Variants in LRRC37A2 observed in about 807,000 individuals in gnomAD.
LRRC37A2 encodes the protein leucine rich repeat containing 37 member A2, also known as leucine-rich repeat-containing protein 37A2.
A neutral mutation model predicts 68.8 loss-of-function variants in LRRC37A2; 9 were observed. The ratio of observed to expected loss-of-function variants is 0.13; its 90% CI spans 0.08 to 0.23. LRRC37A2 has a LOEUF of 0.23. Ranked by LOEUF, LRRC37A2 falls within the 10% of genes least tolerant of loss-of-function variation. LRRC37A2 has a pLI of 1.00. For missense variants in LRRC37A2, 168 were observed against 950.4 expected (o/e 0.18, Z 10.82); for synonymous variants, 63 against 367.6 (o/e 0.17, Z 9.48).
chr17:46,779,951 G>T, the LRRC37A2 span, among the ~76,000 whole-genome samples: 1 of 152,146 alleles, frequency 6.6e-6, no homozygotes, highest in African/African-American at 2.4e-5. Flanking sequence ...TAGAGACAGG[G>T]TTTCGCAATA....
chr17:46,525,601 A>T (rs150117924), intron 6 of LRRC37A2, among the ~76,000 whole-genome samples: 1,447 of 53,906 alleles, frequency 0.027, 79 homozygotes, highest in African/African-American at 0.078. Flanking sequence ...AATAATAATA[A>T]TATAATAATA....
At chr17:47,016,348 C>G in the LRRC37A2 span, among the ~76,000 whole-genome samples, 1 of 150,222 alleles carries the variant, frequency 6.7e-6, no homozygotes, top group Non-Finnish European at 1.5e-5. Flanking sequence ...TTATGCCAGA[C>G]AGTAATAAAA....
chr17:46,773,588 C>T, the LRRC37A2 span: 1 of 1,445,802 alleles, frequency 6.9e-7, no homozygotes, highest in African/African-American at 1.4e-5. Flanking sequence ...AAGAGGCACC[C>T]TGACTGGGGT....
At chr17:46,991,118 T>C in the LRRC37A2 span, among the ~76,000 whole-genome samples, 4 of 152,332 alleles carry the variant, frequency 2.6e-5, no homozygotes, top group South Asian at 8.3e-4. Flanking sequence ...AACTTTGATT[T>C]GAATGTCACT....
At chr17:46,769,767 G>C in the LRRC37A2 span, 1 of 1,608,368 alleles carries the variant, frequency 6.2e-7, no homozygotes, top group Non-Finnish European at 8.5e-7. Flanking sequence ...GGTTTGGGGA[G>C]GGTAGCCGGG....
the LRRC37A2 span, among the ~76,000 whole-genome samples, chr17:46,777,245 G>A: frequency 6.6e-6 from 1 of 152,244 alleles, no homozygotes; most frequent in Admixed American, 6.5e-5. Context: ...CAGAGGCCGT[G>A]AAAGAGGACC....
At chr17:46,704,955 G>A in the LRRC37A2 span, 2 of 1,126,532 alleles carry the variant, frequency 1.8e-6, no homozygotes, top group African/African-American at 1.7e-5. Context: ...GAAGGTTATA[G>A]CATATGCAGT....
the LRRC37A2 span, among the ~76,000 whole-genome samples, chr17:46,847,255 C>T: frequency 6.6e-6 from 1 of 152,236 alleles, no homozygotes; most frequent in African/African-American, 2.4e-5. Flanking sequence ...CCCCACTTAG[C>T]TTCAGTCCTA....
At chr17:46,822,548 G>T in the LRRC37A2 span, among the ~76,000 whole-genome samples, 1 of 152,232 alleles carries the variant, frequency 6.6e-6, no homozygotes, top group African/African-American at 2.4e-5. Context: ...GTCAGCAGGC[G>T]AGGAAGGGGT....
At chr17:46,424,663 T>C in the LRRC37A2 span, among the ~76,000 whole-genome samples, 1 of 113,992 alleles carries the variant, frequency 8.8e-6, no homozygotes, top group Non-Finnish European at 2.0e-5. Context: ...AGGGTACAAT[T>C]TGATATTTTA....
At chr17:46,799,861 C>T in the LRRC37A2 span, among the ~76,000 whole-genome samples, 1 of 152,282 alleles carries the variant, frequency 6.6e-6, no homozygotes, top group East Asian at 1.9e-4. Flanking sequence ...CCACCCAAAG[C>T]AAAGTTCTAG....
chr17:46,979,965 T>A, the LRRC37A2 span, among the ~76,000 whole-genome samples: 1 of 152,166 alleles, frequency 6.6e-6, no homozygotes, highest in Non-Finnish European at 1.5e-5. Context: ...ATAACAGATA[T>A]GGGGATGCAC....
At chr17:47,028,397 A>G in the LRRC37A2 span, 2 of 1,238,470 alleles carry the variant, frequency 1.6e-6, no homozygotes. Context: ...GTAAACAACT[A>G]TTTATCTACA....
chr17:46,923,667 T>G, the LRRC37A2 span: 1 of 988,554 alleles, frequency 1.0e-6, no homozygotes, highest in Non-Finnish European at 1.3e-6. Context: ...TCTTATTCGA[T>G]TTATACTAAA....
chr17:46,790,044 G>T, the LRRC37A2 span, among the ~76,000 whole-genome samples: 5 of 152,204 alleles, frequency 3.3e-5, no homozygotes, highest in African/African-American at 4.8e-5. Context: ...CCCCACCCAA[G>T]TTCAAAGCGC....
At chr17:46,983,710 C>T in the LRRC37A2 span, among the ~76,000 whole-genome samples, 2 of 152,208 alleles carry the variant, frequency 1.3e-5, no homozygotes, top group Non-Finnish European at 2.9e-5. Context: ...TTTATTGCTA[C>T]ATCACAAATA....
chr17:46,868,536 C>T, the LRRC37A2 span, among the ~76,000 whole-genome samples: 67 of 152,284 alleles, frequency 4.4e-4, no homozygotes, highest in African/African-American at 1.6e-3. Flanking sequence ...GCAGAGGTTG[C>T]AGTGAGCCGA....
the LRRC37A2 span, among the ~76,000 whole-genome samples, chr17:46,905,041 G>A: frequency 6.6e-6 from 1 of 152,080 alleles, no homozygotes; most frequent in Non-Finnish European, 1.5e-5. Flanking sequence ...TGGATAAAGG[G>A]GAATGGCAGC....
chr17:46,392,479 TTTCTTTCC>T, the LRRC37A2 span, among the ~76,000 whole-genome samples: 1 of 63,966 alleles, frequency 1.6e-5, no homozygotes, highest in Non-Finnish European at 3.6e-5. Flanking sequence ...CTTTCCTTTC[TTTCTTTCC>T]TTCTTTCTTT....
Sources: gnomAD v4.1 joint callset for allele counts (sites outside exome capture counted in the v4.1 genomes callset) on GRCh38, gnomAD v4.1.1 for gene constraint, MANE v1.5 for transcripts, NCBI Gene and HGNC (gene_info 2026-07-23, HGNC 2026-07-21) for gene names.